EXOSC9: variants seen among roughly 807,000 people sequenced by gnomAD.
The protein encoded by EXOSC9 is exosome component 9, also known as exosome complex component RRP45.
In EXOSC9, 38 loss-of-function variants were observed where a neutral mutation model predicts 56.5. The observed-to-expected ratio is 0.67, with a 90% CI of 0.52 to 0.88. The LOEUF (loss-of-function observed/expected upper bound fraction) is 0.88, where lower values mean the gene tolerates loss of function less well. EXOSC9 is among the 40% of genes least tolerant of loss of function. EXOSC9 has a pLI of 0.00. For missense variants in EXOSC9, 559 were observed against 530.5 expected (o/e 1.05, Z -0.53); for synonymous variants, 170 against 170.8 (o/e 0.99, Z 0.04).
Position 121,816,130 on chromosome 4 carries a change from A to G in EXOSC9, c.1157-239A>G, listed in dbSNP as rs1017020502. ...GCCACCACGCCTGGCTAATTTTTCT[A>G]TTATTTTTAATAGAGCTGGGGTTTC... On this transcript the variant is annotated intron_variant, in intron 10 of 11. Coordinates refer to ENST00000243498, the MANE Select transcript of EXOSC9 (RefSeq NM_005033.3). 2.5e-5 allele frequency: 16 copies of G among 633,984 alleles called. No homozygotes were observed. The highest frequency in any genetic ancestry group is 3.5e-5 in the Non-Finnish European group (13 of 369,018). 39.3% of individuals were successfully genotyped at this position (633,984 alleles called of 1,614,324 possible).
At chr4:121,815,940 T>C in intron 10 of EXOSC9, 1 of 1,230,498 alleles carries the variant, frequency 8.1e-7, no homozygotes, top group Non-Finnish European at 1.0e-6. Flanking sequence ...AAGAAGCTGA[T>C]TTAAAGAAAA....
chr4:121,816,791 A>AAAC lies in EXOSC9; in HGVS notation c.1258_1260dup (p.Gln420dup). The AAAC allele has an allele frequency of 6.2e-7, 1 of 1,600,482 alleles. No homozygotes were observed. The highest frequency in any genetic ancestry group is 1.1e-5 in the South Asian group (1 of 88,724). On this transcript the variant is annotated inframe_insertion, in exon 12 of 12. Transcript: ENST00000243498. Reference sequence around the variant, plus strand: ...TCACAGAACACAGACCACCAGTGCAAAACAAGAAAAAGCACCAAGTAAAAA... The same window carrying AAAC: ...TCACAGAACACAGACCACCAGTGCAAAACAACAAGAAAAAGCACCAAGTAAAAA...
intron 7 of EXOSC9, among the ~76,000 whole-genome samples, chr4:121,811,204 CATT>C (rs1727202298): frequency 6.6e-6 from 1 of 152,186 alleles, no homozygotes; most frequent in African/African-American, 2.4e-5. Context: ...GTCTAGCACA[CATT>C]TATTAAGTGT....
chr4:121,808,488 T>C (rs1727110914), intron 6 of EXOSC9, among the ~76,000 whole-genome samples: 1 of 152,072 alleles, frequency 6.6e-6, no homozygotes, highest in African/African-American at 2.4e-5. Context: ...GCCTTCCGAG[T>C]AGTTGAGACT....
At chr4:121,811,480 AG>A (rs1424176793) in intron 7 of EXOSC9, 102 bp from the exon 8 acceptor site, 1 of 587,268 alleles carries the variant, frequency 1.7e-6, no homozygotes, top group Non-Finnish European at 2.9e-6. Context: ...TGGAAAAGTC[AG>A]GCTTAAATTA....
chr4:121,808,967 G>C (rs72680749), intron 6 of EXOSC9, among the ~76,000 whole-genome samples: 32 of 151,948 alleles, frequency 2.1e-4, no homozygotes, highest in Non-Finnish European at 4.0e-4. Context: ...GAGCCACCAT[G>C]CGCAGCATTT....
At chr4:121,816,553 A>T in intron 11 of EXOSC9, 106 bp downstream of exon 11, 1 of 851,366 alleles carries the variant, frequency 1.2e-6, no homozygotes, top group East Asian at 2.6e-5. Context: ...AAACAAAAAG[A>T]CATCCCTTTT....
chr4:121,813,629 A>T, intron 9 of EXOSC9: 1 of 534,702 alleles, frequency 1.9e-6, no homozygotes, highest in South Asian at 3.1e-5. Context: ...TATAACTAAA[A>T]TGTTGAGAGA....
intron 5 of EXOSC9, among the ~76,000 whole-genome samples, chr4:121,805,150 A>G (rs1726982168): frequency 6.6e-6 from 1 of 152,222 alleles, no homozygotes; most frequent in South Asian, 2.1e-4. Flanking sequence ...CAGCAGGTTC[A>G]TATTTGTCTC....
At chr4:121,815,972 T>C in intron 10 of EXOSC9, 1 of 1,241,922 alleles carries the variant, frequency 8.1e-7, no homozygotes, top group Non-Finnish European at 1.0e-6. Context: ...CACCTAGAGT[T>C]TTATTTTTAT....
chr4:121,813,783 A>G (rs1724346016), intron 9 of EXOSC9, 83 bp from the exon 10 acceptor site: 1 of 1,026,296 alleles, frequency 9.7e-7, no homozygotes. Context: ...AATCAATCTT[A>G]CAAGAAGAAA....
chr4:121,811,186 T>A (rs1727200897), intron 7 of EXOSC9, among the ~76,000 whole-genome samples: 1 of 152,156 alleles, frequency 6.6e-6, no homozygotes, highest in Non-Finnish European at 1.5e-5. Flanking sequence ...ATAAATATAT[T>A]GCACAGTGTC....
intron 6 of EXOSC9, 37 bp from the exon 7 acceptor site, chr4:121,809,930 C>G (rs1160724529): frequency 6.2e-7 from 1 of 1,612,376 alleles, no homozygotes; most frequent in Non-Finnish European, 8.5e-7. Flanking sequence ...AGCATTCGGT[C>G]TCAGATTTGT....
Position 121,816,394 on chromosome 4 carries a change from TGAA to T in EXOSC9, c.1192_1194del (p.Glu398del), listed in dbSNP as rs751857412. On this transcript the variant is annotated inframe_deletion, in exon 11 of 12. Coordinates refer to ENST00000243498, the MANE Select transcript of EXOSC9 (RefSeq NM_005033.3). ...ATGCTCCCATAATACTCTCAGATAG[TGAA>T]GAAGAAGAAATGATCATTTTGGAAC... 318 of 1,561,342 alleles carry T rather than the reference TGAA, an allele frequency of 2.0e-4. No individual in the cohort carries two copies. Among genetic ancestry groups the T allele is most frequent in the Middle Eastern group, 3.4e-4 (2 of 5,850 alleles).
intron 3 of EXOSC9, 50 bp downstream of exon 3, chr4:121,802,843 G>A: frequency 6.2e-7 from 1 of 1,612,564 alleles, no homozygotes. Context: ...GAACCTAACA[G>A]CAGTGAGCTT....
chr4:121,807,411 TAAA>T (rs1727053733), intron 5 of EXOSC9, 126 bp from the exon 6 acceptor site: 4 of 492,480 alleles, frequency 8.1e-6, no homozygotes, highest in African/African-American at 4.0e-5. Context: ...GGTAATTAAT[TAAA>T]AGAAGTTATT....
chr4:121,815,819 TC>T lies in EXOSC9; in HGVS notation c.1157-545del, dbSNP rs139055412. 10,182 of 1,043,482 alleles carry T rather than the reference TC, an allele frequency of 9.8e-3. 635 individuals carry two copies. The African/African-American group carries it at 0.14, about 14-fold the overall frequency. The allele number at this position is 1,043,482 out of a possible 1,614,324, so 64.6% of individuals were successfully genotyped here. Reference sequence around the variant, plus strand: ...CTCTACAAAAGATGCTATATACATTTCCCCCTAGCTTTTCTATTATGACATG... The same window carrying T: ...CTCTACAAAAGATGCTATATACATTTCCCCTAGCTTTTCTATTATGACATG... On this transcript the variant is annotated intron_variant, in intron 10 of 11. Transcript: ENST00000243498.
Position 121,810,739 on chromosome 4 carries a change from G to A in EXOSC9, c.738+640G>A, listed in dbSNP as rs183041869. ...ATTAGCCGAGCTTGGTGGTGCATGC[G>A]TGTGGTCCTGGCCACTTGGGAGGCT... On this transcript the variant is annotated intron_variant, in intron 7 of 11. Transcript: ENST00000243498. Among the ~76,000 whole-genome samples, 33 of 152,022 alleles carry A rather than the reference G, an allele frequency of 2.2e-4. No individual in the cohort carries two copies. In the East Asian group the frequency reaches 4.6e-3, roughly 21 times the overall value.
intron 6 of EXOSC9, among the ~76,000 whole-genome samples, chr4:121,808,712 C>G (rs1727119338): frequency 6.6e-6 from 1 of 150,576 alleles, no homozygotes; most frequent in Non-Finnish European, 1.5e-5. Context: ...AGGTCTCCCT[C>G]TGTCACCCAG....
Sources: allele counts gnomAD v4.1 joint callset (sites outside exome capture counted in the v4.1 genomes callset), GRCh38; gene constraint gnomAD v4.1.1; transcripts MANE v1.5; gene names NCBI Gene and HGNC (gene_info 2026-07-23, HGNC 2026-07-21).